SLC39A10: variants seen among roughly 807,000 people sequenced by gnomAD.
SLC39A10 encodes the protein zinc transporter ZIP10.
A neutral mutation model predicts 65.1 loss-of-function variants in SLC39A10; 13 were observed. That is an observed-to-expected ratio of 0.20 (90% CI 0.13 to 0.32). The LOEUF is 0.32. SLC39A10 is among the 10% of genes least tolerant of loss of function. The pLI is 1.00. For missense variants in SLC39A10, 831 were observed against 1,018.4 expected (o/e 0.82, Z 2.50); for synonymous variants, 321 against 342.2 (o/e 0.94, Z 0.68).
At chr2:195,631,370 G>A (rs887803184) in intron 2 of SLC39A10, among the ~76,000 whole-genome samples, 3 of 151,824 alleles carry the variant, frequency 2.0e-5, no homozygotes, top group Admixed American at 2.0e-4. Flanking sequence ...AGATCAAATT[G>A]TTAAACGAAA....
intron 1 of SLC39A10, among the ~76,000 whole-genome samples, chr2:195,661,375 T>C (rs758762396): frequency 6.6e-6 from 1 of 152,124 alleles, no homozygotes; most frequent in Non-Finnish European, 1.5e-5. Flanking sequence ...TGAAGAAATA[T>C]AGAATCAAAA....
chr2:195,644,232 C>T (rs938956807), intron 2 of SLC39A10, among the ~76,000 whole-genome samples: 3 of 150,830 alleles, frequency 2.0e-5, no homozygotes, highest in African/African-American at 7.3e-5. Context: ...TTTGGTGGCT[C>T]ACGCCTGTGA....
intron 2 of SLC39A10, among the ~76,000 whole-genome samples, chr2:195,625,221 A>G (rs1270834577): frequency 3.2e-5 from 4 of 123,884 alleles, no homozygotes; most frequent in East Asian, 4.0e-4. Context: ...TGTCTCAAAA[A>G]AAAAGAAAGA....
intron 3 of SLC39A10, among the ~76,000 whole-genome samples, chr2:195,697,578 C>T (rs574582979): frequency 1.3e-5 from 2 of 152,190 alleles, no homozygotes; most frequent in South Asian, 4.2e-4. Flanking sequence ...GATGCTGTCC[C>T]TCCCCACCTT....
rs1291947202 is a variant in SLC39A10, at chr2:195,689,427, AAAAAG to A, written c.1216+5523_1216+5527del. The stretch of plus-strand genomic sequence containing the variant: ...ACGAAGTGAGAACCTGTCTCAAAAA[AAAAAG>A]AGGACTTTGGGTTTAGTTTTAACTT... On this transcript the variant is annotated intron_variant, in intron 3 of 9. Transcript: ENST00000359634. Among the ~76,000 whole-genome samples the A allele has an allele frequency of 2.0e-5, 3 of 152,168 alleles. No homozygotes were observed. The East Asian group carries it at 5.8e-4, about 29-fold the overall frequency.
At chr2:195,717,054 A>G in intron 7 of SLC39A10, 49 bp downstream of exon 7, 1 of 1,557,006 alleles carries the variant, frequency 6.4e-7, no homozygotes, top group Non-Finnish European at 8.7e-7. Context: ...GGACTATAAT[A>G]TGTATGATTA....
intron 2 of SLC39A10, among the ~76,000 whole-genome samples, chr2:195,650,709 T>G (rs1689013544): frequency 6.6e-6 from 1 of 152,146 alleles, no homozygotes; most frequent in Non-Finnish European, 1.5e-5. Flanking sequence ...TCCAATCTAT[T>G]TTTGTCTCTG....
At chr2:195,638,022 T>G (rs1688727334) in intron 2 of SLC39A10, among the ~76,000 whole-genome samples, 3 of 152,186 alleles carry the variant, frequency 2.0e-5, no homozygotes, top group African/African-American at 7.2e-5. Context: ...AGAGAAGATA[T>G]TATCAAAGAT....
At chr2:195,638,961 T>TG (rs1486138997) in intron 2 of SLC39A10, among the ~76,000 whole-genome samples, 1 of 151,080 alleles carries the variant, frequency 6.6e-6, no homozygotes, top group Non-Finnish European at 1.5e-5. Context: ...AGTTTTTTTT[T>TG]TTGTTTTTGT....
intron 2 of SLC39A10, among the ~76,000 whole-genome samples, chr2:195,642,484 A>T (rs1387354877): frequency 1.3e-5 from 2 of 152,118 alleles, no homozygotes. Flanking sequence ...TTGAGAAACA[A>T]TGTGTTCTGC....
At chr2:195,729,059 A>C (rs1480157133) in intron 9 of SLC39A10, among the ~76,000 whole-genome samples, 1 of 151,114 alleles carries the variant, frequency 6.6e-6, no homozygotes, top group Non-Finnish European at 1.5e-5. Flanking sequence ...TGCAGCCTTG[A>C]CCTCCTGGGC....
chr2:195,644,300 C>T (rs1688866101), intron 2 of SLC39A10, among the ~76,000 whole-genome samples: 1 of 151,638 alleles, frequency 6.6e-6, no homozygotes, highest in South Asian at 2.1e-4. Flanking sequence ...AGTTCAGTAC[C>T]AGCCTGAACA....
intron 2 of SLC39A10, among the ~76,000 whole-genome samples, chr2:195,640,049 G>T (rs1688773632): frequency 1.3e-5 from 2 of 152,170 alleles, no homozygotes; most frequent in Admixed American, 1.3e-4. Flanking sequence ...AAATTTCTCA[G>T]ATTTGCCTTT....
chr2:195,670,871 T>C (rs1284886151), intron 1 of SLC39A10, among the ~76,000 whole-genome samples: 1 of 152,234 alleles, frequency 6.6e-6, no homozygotes, highest in Non-Finnish European at 1.5e-5. Context: ...TATGTGTTAC[T>C]GATTTTACTA....
intron 5 of SLC39A10, among the ~76,000 whole-genome samples, chr2:195,709,387 A>G (rs1488078651): frequency 6.6e-6 from 1 of 152,056 alleles, no homozygotes; most frequent in African/African-American, 2.4e-5. Flanking sequence ...GCGCACCACC[A>G]TGCCTGGCTA....
intron 2 of SLC39A10, among the ~76,000 whole-genome samples, chr2:195,638,442 C>T (rs993786464): frequency 1.3e-5 from 2 of 152,008 alleles, no homozygotes; most frequent in African/African-American, 2.4e-5. Flanking sequence ...CAGGTTCAAG[C>T]GATTCTCCTG....
At chr2:195,679,163 T>A (rs553313285) in intron 1 of SLC39A10, among the ~76,000 whole-genome samples, 1 of 152,234 alleles carries the variant, frequency 6.6e-6, no homozygotes, top group African/African-American at 2.4e-5. Flanking sequence ...ACCATTGAAT[T>A]GGACAGTTCT....
chr2:195,729,881 C>G (rs990004159), intron 9 of SLC39A10, among the ~76,000 whole-genome samples: 3 of 151,778 alleles, frequency 2.0e-5, no homozygotes, highest in Non-Finnish European at 2.9e-5. Flanking sequence ...TCACTGCAGA[C>G]TCGACTCCCC....
At chr2:195,713,402 A>G (rs1691667241) in intron 5 of SLC39A10, 31 bp from the exon 6 acceptor site, 1 of 1,493,104 alleles carries the variant, frequency 6.7e-7, no homozygotes, top group Non-Finnish European at 9.0e-7. Context: ...TTTTATACTA[A>G]TATCAGATAC....
Sources: gnomAD v4.1 joint callset for allele counts (sites outside exome capture counted in the v4.1 genomes callset) on GRCh38, gnomAD v4.1.1 for gene constraint, MANE v1.5 for transcripts, NCBI Gene and HGNC (gene_info 2026-07-23, HGNC 2026-07-21) for gene names.